Variants in XKR6 observed in about 807,000 individuals in gnomAD.
XKR6 encodes XK-related protein 6.
Under a neutral mutation model 56.7 loss-of-function variants are expected in XKR6, and 22 were observed. The observed-to-expected ratio is 0.39, with a 90% CI of 0.28 to 0.55. The LOEUF is 0.55. Ranked by LOEUF, XKR6 falls within the 20% of genes least tolerant of loss-of-function variation. XKR6 has a pLI of 0.66. For synonymous variants in XKR6, 524 were observed against 387.8 expected, an observed-to-expected ratio of 1.35 and a Z score of -4.13; for missense variants, 852 against 889.0, an observed-to-expected ratio of 0.96 and a Z score of 0.53.
At chr8:11,014,059 T>G (rs1442415967) in intron 1 of XKR6, among the ~76,000 whole-genome samples, 1 of 152,224 alleles carries the variant, frequency 6.6e-6, no homozygotes, top group Non-Finnish European at 1.5e-5. Context: ...GCTCTCTAGA[T>G]CCATCATAAT....
At chr8:10,959,873 T>C (rs1351797983) in intron 1 of XKR6, among the ~76,000 whole-genome samples, 4 of 152,078 alleles carry the variant, frequency 2.6e-5, no homozygotes, top group Admixed American at 2.6e-4. Flanking sequence ...GGGTGGGAAG[T>C]GGTTCTCCTT....
chr8:10,922,066 G>C (rs1800740064), intron 2 of XKR6, among the ~76,000 whole-genome samples: 1 of 152,196 alleles, frequency 6.6e-6, no homozygotes, highest in African/African-American at 2.4e-5. Context: ...CCTTCCAGGG[G>C]ATGCAGCCCT....
At chr8:11,114,040 T>G in intron 1 of XKR6, 1 of 425,582 alleles carries the variant, frequency 2.3e-6, no homozygotes, top group Non-Finnish European at 4.6e-6. Context: ...AGAAATCAGA[T>G]GACCTCAAAA....
At chr8:11,135,891 A>G (rs564493917) in intron 1 of XKR6, among the ~76,000 whole-genome samples, 1 of 152,222 alleles carries the variant, frequency 6.6e-6, no homozygotes, top group South Asian at 2.1e-4. Context: ...AGCAGAAAAT[A>G]TTTCTCCCAA....
At chr8:10,976,193 C>G (rs1218473909) in intron 1 of XKR6, among the ~76,000 whole-genome samples, 1 of 101,038 alleles carries the variant, frequency 9.9e-6, no homozygotes, top group Non-Finnish European at 1.8e-5. Flanking sequence ...AAAAAAAGTG[C>G]CCCCCCCCAA....
chr8:11,184,584 T>A (rs1402501397), intron 1 of XKR6, among the ~76,000 whole-genome samples: 1 of 152,216 alleles, frequency 6.6e-6, no homozygotes. Flanking sequence ...ATTTTATGGT[T>A]TTCTATAAGA....
chr8:10,915,085 C>G (rs1026970827), intron 2 of XKR6, among the ~76,000 whole-genome samples: 1 of 152,232 alleles, frequency 6.6e-6, no homozygotes, highest in Non-Finnish European at 1.5e-5. Flanking sequence ...TGCCTCCCTT[C>G]CCTTCTCTCT....
intron 1 of XKR6, among the ~76,000 whole-genome samples, chr8:11,034,130 C>T (rs1283989751): frequency 4.6e-5 from 7 of 152,280 alleles, no homozygotes; most frequent in South Asian, 2.1e-4. Flanking sequence ...CTCAAGGAGA[C>T]ATGGCCTGTG....
intron 1 of XKR6, among the ~76,000 whole-genome samples, chr8:11,053,153 G>C (rs1163539845): frequency 1.3e-5 from 2 of 152,250 alleles, no homozygotes; most frequent in East Asian, 3.9e-4. Flanking sequence ...GGAGCAGCAG[G>C]CTGGGATCCG....
At chr8:11,061,937 G>A (rs576297963) in intron 1 of XKR6, among the ~76,000 whole-genome samples, 2 of 152,298 alleles carry the variant, frequency 1.3e-5, no homozygotes, top group Middle Eastern at 3.4e-3. Flanking sequence ...CCCTGCCTGT[G>A]TCCCTCGGCT....
intron 1 of XKR6, among the ~76,000 whole-genome samples, chr8:11,163,283 G>T (rs896504254): frequency 3.3e-5 from 5 of 152,124 alleles, no homozygotes; most frequent in African/African-American, 1.2e-4. Context: ...TATAAGCATT[G>T]CACAGCTTAT....
At chr8:10,960,387 G>T (rs950748665) in intron 1 of XKR6, among the ~76,000 whole-genome samples, 8 of 152,232 alleles carry the variant, frequency 5.3e-5, no homozygotes, top group African/African-American at 1.9e-4. Context: ...TACCCTGGCA[G>T]ATGACTGCCC....
chr8:10,962,860 T>C (rs1402347297), intron 1 of XKR6, among the ~76,000 whole-genome samples: 2 of 152,112 alleles, frequency 1.3e-5, no homozygotes, highest in East Asian at 1.9e-4. Flanking sequence ...TGACCTCAGG[T>C]AATCCACCCG....
In XKR6 at chr8:10,959,611, T is replaced by A. The variant is rs116266155; in HGVS notation, c.765-34781A>T. 2.5e-3 allele frequency among the ~76,000 whole-genome samples: 388 copies of A among 152,262 alleles called. 3 individuals carry two copies. The highest frequency in any genetic ancestry group is 8.7e-3 in the African/African-American group (360 of 41,566). On this transcript the variant is annotated intron_variant, in intron 1 of 2. Coordinates refer to ENST00000416569, the MANE Select transcript of XKR6 (RefSeq NM_173683.4). ...GCTGGTGTCTCCTCGTCTTCTTATA[T>A]GGACACTAATCCGTTGCTGAGGCCC...
chr8:11,028,049 T>C (rs1162538122), intron 1 of XKR6, among the ~76,000 whole-genome samples: 9 of 152,064 alleles, frequency 5.9e-5, no homozygotes, highest in African/African-American at 2.2e-4. Context: ...TAATGATCTG[T>C]ACCCACCATT....
intron 1 of XKR6, among the ~76,000 whole-genome samples, chr8:11,117,040 T>C (rs1799213556): frequency 6.6e-6 from 1 of 152,248 alleles, no homozygotes. Context: ...ATAGGATTGA[T>C]GAATTCTAGT....
chr8:11,144,850 GGGAA>G (rs1563171846), intron 1 of XKR6, among the ~76,000 whole-genome samples: 1 of 151,444 alleles, frequency 6.6e-6, no homozygotes, highest in Admixed American at 6.6e-5. Flanking sequence ...AGGAAGGGAA[GGGAA>G]GGGAGGGGTA....
At chr8:11,180,065 G>C (rs1802888269) in intron 1 of XKR6, among the ~76,000 whole-genome samples, 1 of 152,142 alleles carries the variant, frequency 6.6e-6, no homozygotes, top group Admixed American at 6.5e-5. Flanking sequence ...TTTGAGCCTG[G>C]GAGGTTGAGG....
At chr8:11,105,543 A>G (rs1234005369) in intron 1 of XKR6, 2 of 152,206 alleles carry the variant, frequency 1.3e-5, no homozygotes, top group African/African-American at 4.8e-5. Context: ...CCACATTCCT[A>G]CTGATTCACT....
Sources: allele counts gnomAD v4.1 joint callset (sites outside exome capture counted in the v4.1 genomes callset), GRCh38; gene constraint gnomAD v4.1.1; transcripts MANE v1.5; gene names NCBI Gene and HGNC (gene_info 2026-07-23, HGNC 2026-07-21).